ZFHX3: variants seen among roughly 807,000 people sequenced by gnomAD.
The protein encoded by ZFHX3 is zinc finger homeobox protein 3.
A neutral mutation model predicts 279.1 loss-of-function variants in ZFHX3; 42 were observed. The ratio of observed to expected loss-of-function variants is 0.15; its 90% confidence interval spans 0.12 to 0.19. The LOEUF (loss-of-function observed/expected upper bound fraction) is 0.19. Ranked by LOEUF, ZFHX3 falls within the 10% of genes least tolerant of loss-of-function variation. The pLI, the probability that ZFHX3 is intolerant of heterozygous loss-of-function variation, is 1.00. For missense variants in ZFHX3, 4,981 were observed against 4,754.0 expected (o/e 1.05, Z -1.40); for synonymous variants, 2,293 against 1,957.8 (o/e 1.17, Z -4.52).
intron 5 of ZFHX3, among the ~76,000 whole-genome samples, chr16:73,211,338 A>G (rs545444523): frequency 6.6e-6 from 1 of 152,344 alleles, no homozygotes; most frequent in African/African-American, 2.4e-5. Flanking sequence ...TCTTGAAGTC[A>G]ATGCCCAATG....
chr16:72,962,990 T>G (rs900750393), intron 1 of ZFHX3, among the ~76,000 whole-genome samples: 4 of 152,172 alleles, frequency 2.6e-5, no homozygotes, highest in Non-Finnish European at 5.9e-5. Context: ...TCTCTCTCGC[T>G]CTGTTTATCA....
At chr16:72,999,284 A>T (rs1050498842) in intron 1 of ZFHX3, among the ~76,000 whole-genome samples, 1 of 152,134 alleles carries the variant, frequency 6.6e-6, no homozygotes, top group Admixed American at 6.5e-5. Flanking sequence ...CAGCCTCCTG[A>T]GTAGCTGGGA....
intron 2 of ZFHX3, among the ~76,000 whole-genome samples, chr16:73,470,012 C>A (rs2018638392): frequency 6.6e-6 from 1 of 152,146 alleles, no homozygotes; most frequent in Non-Finnish European, 1.5e-5. Flanking sequence ...GCTGGAGAAT[C>A]ACTGCTCCAG....
At chr16:73,709,721 A>G (rs1459258279) in intron 1 of ZFHX3, among the ~76,000 whole-genome samples, 3 of 152,200 alleles carry the variant, frequency 2.0e-5, no homozygotes, top group Non-Finnish European at 4.4e-5. Flanking sequence ...GACTATAGAC[A>G]GTAACAATGT....
intron 5 of ZFHX3, among the ~76,000 whole-genome samples, chr16:73,231,387 G>A (rs2012767444): frequency 6.6e-6 from 1 of 152,218 alleles, no homozygotes; most frequent in Non-Finnish European, 1.5e-5. Flanking sequence ...GAGCTTAGCT[G>A]AACTGCTCAA....
At chr16:73,821,078 AAC>A (rs1960726445) in intron 1 of ZFHX3, among the ~76,000 whole-genome samples, 1 of 152,148 alleles carries the variant, frequency 6.6e-6, no homozygotes, top group Non-Finnish European at 1.5e-5. Flanking sequence ...GGGGTGGAGA[AAC>A]ACAGATTCAA....
rs1416643874 is a variant in ZFHX3, at chr16:73,093,384, G to T, written c.-682C>A. 4 of 430,318 alleles carry T rather than the reference G, an allele frequency of 9.3e-6. No individual in the cohort carries two copies. The East Asian group carries it at 2.7e-4, about 29-fold the overall frequency. The allele number at this position is 430,318 out of a possible 1,614,324, so 26.7% of individuals were successfully genotyped here. Reference sequence around the variant, plus strand: ...AGCCACAGGGGACGACCCTGAAAAAGTCTGGCAGATGCAGAACCACAGCTG... The same window carrying T: ...AGCCACAGGGGACGACCCTGAAAAATTCTGGCAGATGCAGAACCACAGCTG... On this transcript the variant is annotated 5_prime_UTR_variant, in exon 8 of 18. Transcript: ENST00000641206.
chr16:73,640,069 A>AT (rs2052560741), intron 2 of ZFHX3, among the ~76,000 whole-genome samples: 1 of 152,140 alleles, frequency 6.6e-6, no homozygotes, highest in South Asian at 2.1e-4. Flanking sequence ...CTCCTGTTTC[A>AT]TTTCTTCAGA....
intron 1 of ZFHX3, among the ~76,000 whole-genome samples, chr16:73,851,740 GAT>G (rs1178470605): frequency 2.0e-5 from 3 of 152,098 alleles, no homozygotes; most frequent in Non-Finnish European, 4.4e-5. Context: ...ATACTAAATT[GAT>G]ATATCTTGTG....
intron 2 of ZFHX3, among the ~76,000 whole-genome samples, chr16:73,668,563 T>A (rs1042791326): frequency 5.3e-5 from 8 of 152,172 alleles, no homozygotes; most frequent in Non-Finnish European, 1.0e-4. Context: ...GTGTTTGGTT[T>A]TCTGTTCTTG....
intron 3 of ZFHX3, among the ~76,000 whole-genome samples, chr16:73,407,664 G>A (rs1050587829): frequency 2.0e-5 from 3 of 152,214 alleles, no homozygotes; most frequent in Admixed American, 2.0e-4. Context: ...ACACACACTC[G>A]CTCCCTCCCT....
At chr16:73,654,178 A>C (rs1336123653) in intron 2 of ZFHX3, among the ~76,000 whole-genome samples, 58 of 143,074 alleles carry the variant, frequency 4.1e-4, no homozygotes, top group African/African-American at 1.5e-3. Context: ...AGCGAGACTC[A>C]GTCTCAAAAA....
chr16:72,794,518 C>T lies in ZFHX3; in HGVS notation c.8164G>A (p.Ala2722Thr). The change falls in exon 9 of 10, where the codon GCC becomes ACC. Residue 2722 changes from alanine to threonine, a missense_variant. Physicochemically the swap from Ala to Thr is moderately conservative, Grantham distance 58 (BLOSUM62 0). This residue lies in a region of ZFHX3 where 744 missense variants were observed against 701.3 expected (regional missense o/e 1.06). Coordinates refer to ENST00000268489, the MANE Select transcript of ZFHX3 (RefSeq NM_006885.4). The surrounding 1 kb of genome is among the most constrained non-coding windows in gnomAD (Gnocchi z 4.2). ...ATATGAGCCTCAAGAGCAGTCTTGG[C>T]TTTGAAGAGCGCTCTGCAAAAAGGG... Reference protein sequence around the residue: ...RCPFCRALFKAKTALEAHIRS... With the variant: ...RCPFCRALFKTKTALEAHIRS... 1 of 1,614,194 alleles carries T rather than the reference C, an allele frequency of 6.2e-7. No individual in the cohort carries two copies. The highest frequency in any genetic ancestry group is 8.5e-7 in the Non-Finnish European group (1 of 1,180,046).
At chr16:73,610,174 T>G (rs1289449024) in intron 2 of ZFHX3, 1 of 151,800 alleles carries the variant, frequency 6.6e-6, no homozygotes, top group Admixed American at 6.6e-5. Context: ...AAAGCCAAAG[T>G]ATGCACTTTC....
rs1346539597 is a variant in ZFHX3, at chr16:73,157,465, T to TTAAAAAAA, written c.-1103-13635_-1103-13634insTTTTTTTA. Among the ~76,000 whole-genome samples, 163 of 76,510 alleles carry TTAAAAAAA rather than the reference T, an allele frequency of 2.1e-3. 7 individuals are homozygous for TTAAAAAAA. The highest frequency in any genetic ancestry group is 6.0e-3 in the South Asian group (12 of 1,992). The allele number at this position is 76,510 out of a possible 152,430, so 50.2% of individuals were successfully genotyped here. A position where few individuals can be genotyped will look rare whatever the true frequency, so the allele number is the denominator to read the frequency against. On this transcript the variant is annotated intron_variant, in intron 5 of 17. Transcript: ENST00000641206. ...TCCTGGGTGATTTAGGAATGTTTGG[T>TTAAAAAAA]AAAAAAAAAAAAAAAAAAGGCCAGT...
At chr16:73,377,532 G>C (rs986592537) in intron 3 of ZFHX3, among the ~76,000 whole-genome samples, 1 of 151,992 alleles carries the variant, frequency 6.6e-6, no homozygotes, top group Non-Finnish European at 1.5e-5. Context: ...GTGTAAAGAT[G>C]AGCACCACTG....
intron 4 of ZFHX3, among the ~76,000 whole-genome samples, chr16:73,274,088 GAGCTGAGAT>G (rs1438722699): frequency 2.6e-5 from 4 of 152,138 alleles, no homozygotes; most frequent in African/African-American, 9.7e-5. Context: ...ACGTTGCAGT[GAGCTGAGAT>G]CACACCACTG....
chr16:73,097,231 A>ATTTTT lies in ZFHX3; in HGVS notation c.-896-3638_-896-3634dup, dbSNP rs376018253. ...TCCTCACCACACCCAGCTAATTTTA[A>ATTTTT]TTTTTTTTTTTTTTTTTTGTAGAGA... On this transcript the variant is annotated intron_variant, in intron 7 of 17. Transcript: ENST00000641206. Among the ~76,000 whole-genome samples the ATTTTT allele has an allele frequency of 1.3e-3, 166 of 126,688 alleles. 7 individuals are homozygous for ATTTTT. Among genetic ancestry groups the ATTTTT allele is most frequent in the African/African-American group, 4.7e-3 (150 of 31,770 alleles). 83.1% of individuals were successfully genotyped at this position (126,688 alleles called of 152,430 possible).
chr16:73,205,895 T>C (rs1319989967), intron 5 of ZFHX3, among the ~76,000 whole-genome samples: 1 of 152,202 alleles, frequency 6.6e-6, no homozygotes, highest in Non-Finnish European at 1.5e-5. Flanking sequence ...GATTATACCA[T>C]CACTCTAACA....
Sources: allele counts gnomAD v4.1 joint callset (sites outside exome capture counted in the v4.1 genomes callset), GRCh38; gene constraint gnomAD v4.1.1; regional missense constraint gnomAD v4.1.1; non-coding constraint Gnocchi (gnomAD v3.1); transcripts MANE v1.5; gene names NCBI Gene and HGNC (gene_info 2026-07-23, HGNC 2026-07-21).